Variants in P3H2 observed in about 807,000 individuals in gnomAD.
P3H2 encodes the protein leprecan-like 1.
In P3H2, 80 loss-of-function variants were observed where a neutral mutation model predicts 87.0. The observed-to-expected ratio is 0.92, with a 90% CI of 0.77 to 1.11. The LOEUF is 1.11. Ranked by LOEUF, P3H2 falls within the 50% of genes least tolerant of loss-of-function variation. The probability of loss-of-function intolerance (pLI) is 0.00; values close to 1 mark genes in which losing one functional copy is unlikely to be tolerated. For synonymous variants in P3H2, 367 were observed against 359.3 expected, an observed-to-expected ratio of 1.02 and a Z score of -0.24; for missense variants, 1,001 against 923.9, an observed-to-expected ratio of 1.08 and a Z score of -1.08.
intron 1 of P3H2, among the ~76,000 whole-genome samples, chr3:190,099,655 C>A (rs1237720087): frequency 6.6e-6 from 1 of 152,004 alleles, no homozygotes; most frequent in Non-Finnish European, 1.5e-5. Flanking sequence ...AAGCACATTT[C>A]TAATAAGAAG....
intron 2 of P3H2, among the ~76,000 whole-genome samples, chr3:189,994,703 C>T (rs1723993243): frequency 6.7e-6 from 1 of 148,398 alleles, no homozygotes; most frequent in Admixed American, 6.7e-5. Context: ...TTTCCTTATC[C>T]TTTTCTGTGA....
intron 1 of P3H2, among the ~76,000 whole-genome samples, chr3:190,052,307 T>C (rs1238151252): frequency 6.6e-6 from 1 of 152,112 alleles, no homozygotes; most frequent in Non-Finnish European, 1.5e-5. Context: ...TGTTCTAATT[T>C]TTCAGCTCCC....
chr3:189,967,808 T>C (rs1186077723), intron 13 of P3H2, among the ~76,000 whole-genome samples: 1 of 152,306 alleles, frequency 6.6e-6, no homozygotes, highest in Admixed American at 6.5e-5. Flanking sequence ...TAGACAATTT[T>C]AACGAGAATC....
intron 13 of P3H2, among the ~76,000 whole-genome samples, chr3:189,965,347 C>T (rs1722942886): frequency 6.6e-6 from 1 of 151,972 alleles, no homozygotes; most frequent in Non-Finnish European, 1.5e-5. Flanking sequence ...CAGGTGGGTG[C>T]ATATGTGTTT....
chr3:190,011,077 C>T (rs548174945), intron 1 of P3H2, among the ~76,000 whole-genome samples: 1 of 152,204 alleles, frequency 6.6e-6, no homozygotes, highest in South Asian at 2.1e-4. Flanking sequence ...TGAGACGATC[C>T]TGGCCAACTT....
At position 189,964,042 on chromosome 3, in the gene P3H2, G is replaced by T. The variant is rs149099374; in HGVS notation, c.1950C>A (p.Asn650Lys). ...TGGTGACTGCCTTCACCCCATGAGG[G>T]TTCTCTCCTCCAGATGAGAAGCTGA... ...RMISFSSGGE[N>K]PHGVKAVTKG... is the part of the protein sequence containing the mutation. Residue 650 changes from asparagine to lysine, a missense_variant, in exon 14 of 15, where the codon AAC (asparagine) becomes AAA (lysine). Physicochemically the swap from Asn to Lys is moderately conservative, Grantham distance 94. Transcript: ENST00000319332. 3.2e-5 allele frequency: 51 copies of T among 1,613,962 alleles called. No homozygotes were observed. Among genetic ancestry groups the T allele is most frequent in the Non-Finnish European group, 4.2e-5 (50 of 1,179,952 alleles).
At chr3:190,007,754 G>C (rs186411576) in intron 1 of P3H2, among the ~76,000 whole-genome samples, 230 of 151,042 alleles carry the variant, frequency 1.5e-3, no homozygotes, top group African/African-American at 5.5e-3. Flanking sequence ...ATTAACAAAG[G>C]GTATGATGAA....
intron 1 of P3H2, among the ~76,000 whole-genome samples, chr3:190,092,319 T>C (rs1459656073): frequency 6.6e-6 from 1 of 152,042 alleles, no homozygotes; most frequent in East Asian, 1.9e-4. Context: ...AAAAGGGCCA[T>C]GTACTCAGGG....
At chr3:190,087,107 T>C (rs1343827233) in intron 1 of P3H2, among the ~76,000 whole-genome samples, 3 of 152,210 alleles carry the variant, frequency 2.0e-5, no homozygotes, top group Non-Finnish European at 4.4e-5. Context: ...CTAAATTAAA[T>C]TAGCCTTACA....
rs1325605384 is a variant in P3H2 at position 189,956,861 on chromosome 3, T to C, written c.*1051A>G. On this transcript the variant is annotated 3_prime_UTR_variant, in exon 15 of 15. Transcript: ENST00000319332. ...ATCAATCAGAAATTTATTTTTCTTA[T>C]GTAAGTACAAAACACCTCTTTTCAT... 12 of 366,978 alleles carry C rather than the reference T, an allele frequency of 3.3e-5. No individual in the cohort carries two copies. The highest frequency in any genetic ancestry group is 5.3e-5 in the Non-Finnish European group (11 of 207,202). The allele number at this position is 366,978 out of a possible 1,614,324, so 22.7% of individuals were successfully genotyped here. A position where few individuals can be genotyped will look rare whatever the true frequency, so the allele number is the denominator to read the frequency against.
At chr3:189,989,287 C>T (rs966577273) in intron 3 of P3H2, among the ~76,000 whole-genome samples, 10 of 152,202 alleles carry the variant, frequency 6.6e-5, no homozygotes, top group African/African-American at 1.7e-4. Flanking sequence ...GTTCTCTACA[C>T]CTCACTTTTC....
At chr3:190,119,180 A>G (rs9880709) in intron 1 of P3H2, among the ~76,000 whole-genome samples, 101 of 51,888 alleles carry the variant, frequency 1.9e-3, no homozygotes, top group East Asian at 3.4e-3. Context: ...GGGAGAGGAG[A>G]GGAGAGGAGA....
intron 1 of P3H2, among the ~76,000 whole-genome samples, chr3:190,092,069 C>T (rs1430963595): frequency 2.6e-5 from 4 of 152,022 alleles, no homozygotes; most frequent in African/African-American, 9.7e-5. Context: ...CCCGTCTCCA[C>T]TAAAAATACA....
chr3:190,056,069 A>G (rs1273670086), intron 1 of P3H2, among the ~76,000 whole-genome samples: 2 of 152,114 alleles, frequency 1.3e-5, no homozygotes, highest in East Asian at 3.9e-4. Flanking sequence ...GATTAGTAGT[A>G]TCCTTATAGG....
rs1382221492 is a variant in P3H2, at chr3:189,995,350, G to A, written c.573C>T (p.Tyr191=). ...ATGCTTCAACACCAGCTGTCGCCCT[G>A]TAATTCTCAATGTTCTGCTGCATTT... is the stretch of plus-strand genomic sequence containing the variant. ...HMEMQQNIEN[Y]RATAGVEALQ... Residue 191 remains tyrosine (Y), a synonymous_variant, in exon 2 of 15, where the codon TAC becomes TAT. Transcript: ENST00000319332. 1.2e-6 allele frequency: 2 copies of A among 1,613,926 alleles called. No homozygotes were observed. Among genetic ancestry groups the A allele is most frequent in the African/African-American group, 2.7e-5 (2 of 74,888 alleles).
intron 1 of P3H2, among the ~76,000 whole-genome samples, chr3:190,009,264 AGAACAT>A (rs1449460742): frequency 1.3e-5 from 2 of 152,180 alleles, no homozygotes; most frequent in African/African-American, 4.8e-5. Context: ...TATTTTGGGG[AGAACAT>A]GAAACTTGTA....
chr3:190,119,150 G>GGGAGT (rs1712419526), intron 1 of P3H2, among the ~76,000 whole-genome samples: 1 of 35,844 alleles, frequency 2.8e-5, no homozygotes, highest in South Asian at 1.7e-3. Context: ...GGGAGGGGAG[G>GGGAGT]GGAGGGGAGG....
chr3:190,078,928 T>C (rs1430294292), intron 1 of P3H2, among the ~76,000 whole-genome samples: 2 of 152,234 alleles, frequency 1.3e-5, no homozygotes, highest in East Asian at 3.9e-4. Flanking sequence ...AAAGGACTGT[T>C]TACACGAGAC....
chr3:190,076,999 T>G (rs969702159), intron 1 of P3H2, among the ~76,000 whole-genome samples: 5 of 152,170 alleles, frequency 3.3e-5, no homozygotes, highest in African/African-American at 1.2e-4. Flanking sequence ...CTTTTAAGCA[T>G]CACCTATCTA....
Sources: gnomAD v4.1 joint callset for allele counts (sites outside exome capture counted in the v4.1 genomes callset) on GRCh38, gnomAD v4.1.1 for gene constraint, MANE v1.5 for transcripts, NCBI Gene and HGNC (gene_info 2026-07-23, HGNC 2026-07-21) for gene names.